The following ADAMTS12 variants were observed in gnomAD, a reference collection of about 807,000 sequenced individuals.
The protein encoded by ADAMTS12 is ADAM metallopeptidase with thrombospondin type 1 motif 12.
ADAMTS12 carries 118 observed loss-of-function variants against 167.8 expected under a neutral mutation model. The observed-to-expected ratio is 0.70, with a 90% CI of 0.61 to 0.82. ADAMTS12 has a LOEUF of 0.82. Among genes scored for constraint, ADAMTS12 ranks in the 40% least tolerant of loss-of-function variants. The pLI is 0.00. For synonymous variants in ADAMTS12, 704 were observed against 716.9 expected (o/e 0.98, Z 0.29); for missense variants, 1,916 against 1,998.8 (o/e 0.96, Z 0.79).
In ADAMTS12 at chr5:33,686,854, T is replaced by C. The variant is rs140843358; in HGVS notation, c.635-2799A>G. ...TCTTCCTGCTGTGTCCTCATCTGTC[T>C]CCTCTCTCTCTATATATATATGTAG... is the stretch of plus-strand genomic sequence containing the variant. On this transcript the variant is annotated intron_variant, in intron 3 of 23. Coordinates refer to ENST00000504830, the MANE Select transcript of ADAMTS12 (RefSeq NM_030955.4). 2.2e-3 allele frequency among the ~76,000 whole-genome samples: 322 copies of C among 149,642 alleles called. 3 individuals carry two copies. The highest frequency in any genetic ancestry group is 7.5e-3 in the African/African-American group (303 of 40,658).
chr5:33,701,373 T>C (rs1191423722), intron 3 of ADAMTS12, among the ~76,000 whole-genome samples: 1 of 152,178 alleles, frequency 6.6e-6, no homozygotes, highest in Non-Finnish European at 1.5e-5. Flanking sequence ...ACTGCCTGGC[T>C]ACTCTTTTCG....
intron 7 of ADAMTS12, among the ~76,000 whole-genome samples, chr5:33,651,572 G>C (rs1030340319): frequency 1.3e-5 from 2 of 152,176 alleles, no homozygotes; most frequent in East Asian, 3.9e-4. Flanking sequence ...ATGTTTCTTA[G>C]TTTGATCCAC....
chr5:33,579,514 C>T (rs914879789), intron 18 of ADAMTS12, among the ~76,000 whole-genome samples: 1 of 151,990 alleles, frequency 6.6e-6, no homozygotes, highest in Admixed American at 6.6e-5. Context: ...GCTAATATCT[C>T]TAAAGAAGTT....
At chr5:33,784,508 A>C (rs7719861) in intron 2 of ADAMTS12, among the ~76,000 whole-genome samples, 54,579 of 151,758 alleles carry the variant, frequency 0.36, 10,900 homozygotes, top group East Asian at 0.58. Context: ...TTACAGGATA[A>C]CAGGTCAGTA....
At chr5:33,760,877 CTCTG>C (rs1236864693) in intron 2 of ADAMTS12, among the ~76,000 whole-genome samples, 3 of 112,044 alleles carry the variant, frequency 2.7e-5, no homozygotes, top group Non-Finnish European at 3.6e-5. Flanking sequence ...TTTGTCTTTG[CTCTG>C]TGTGTGTGTG....
chr5:33,543,874 A>C (rs1744828576), intron 22 of ADAMTS12, among the ~76,000 whole-genome samples: 1 of 152,104 alleles, frequency 6.6e-6, no homozygotes, highest in Non-Finnish European at 1.5e-5. Flanking sequence ...AAATAATAAG[A>C]GCTATTTATG....
At chr5:33,738,466 G>A (rs1744444636) in intron 3 of ADAMTS12, among the ~76,000 whole-genome samples, 1 of 152,188 alleles carries the variant, frequency 6.6e-6, no homozygotes, top group Non-Finnish European at 1.5e-5. Flanking sequence ...TATTCCAGGG[G>A]AAATGAGACC....
At chr5:33,551,646 A>G (rs1024407910) in intron 20 of ADAMTS12, among the ~76,000 whole-genome samples, 2 of 152,244 alleles carry the variant, frequency 1.3e-5, no homozygotes, top group African/African-American at 2.4e-5. Context: ...TGTTGCTATA[A>G]TCTGTTATTC....
intron 2 of ADAMTS12, among the ~76,000 whole-genome samples, chr5:33,798,188 AT>A (rs879896541): frequency 0.036 from 5,294 of 146,130 alleles, 273 homozygotes; most frequent in African/African-American, 0.12. Flanking sequence ...CTCTCATGAC[AT>A]TTTTTTTTTT....
intron 2 of ADAMTS12, among the ~76,000 whole-genome samples, chr5:33,840,653 C>T (rs1045678920): frequency 2.0e-5 from 3 of 152,242 alleles, no homozygotes; most frequent in African/African-American, 7.2e-5. Context: ...GGAAGCTGTA[C>T]TAACAGTATT....
intron 21 of ADAMTS12, among the ~76,000 whole-genome samples, chr5:33,547,298 A>C (rs989939871): frequency 1.3e-5 from 2 of 152,122 alleles, no homozygotes; most frequent in Admixed American, 6.5e-5. Flanking sequence ...TTAGAAATGC[A>C]AAATTTCAGG....
At chr5:33,532,910 C>A (rs1744187155) in intron 23 of ADAMTS12, among the ~76,000 whole-genome samples, 1 of 152,144 alleles carries the variant, frequency 6.6e-6, no homozygotes, top group Non-Finnish European at 1.5e-5. Context: ...TTATAGTGGT[C>A]AGGGTGGGTG....
chr5:33,692,418 C>A (rs1362995225), intron 3 of ADAMTS12, among the ~76,000 whole-genome samples: 1 of 152,128 alleles, frequency 6.6e-6, no homozygotes, highest in Non-Finnish European at 1.5e-5. Context: ...TTCCAAATTC[C>A]ATTTATATGT....
intron 3 of ADAMTS12, among the ~76,000 whole-genome samples, chr5:33,717,807 A>G (rs766552026): frequency 7.9e-5 from 12 of 152,194 alleles, no homozygotes; most frequent in Non-Finnish European, 1.6e-4. Context: ...ATATTTTTCT[A>G]CTTATTTTTG....
chr5:33,535,850 G>A (rs1744375332), intron 22 of ADAMTS12, among the ~76,000 whole-genome samples: 1 of 152,128 alleles, frequency 6.6e-6, no homozygotes, highest in Admixed American at 6.5e-5. Context: ...AGAGAATGTG[G>A]AATGGGGGTA....
chr5:33,874,400 A>G (rs1032233290), intron 2 of ADAMTS12, among the ~76,000 whole-genome samples: 5 of 152,248 alleles, frequency 3.3e-5, no homozygotes, highest in African/African-American at 1.2e-4. Context: ...CATCTATTGA[A>G]ATGGTCAAAA....
intron 5 of ADAMTS12, among the ~76,000 whole-genome samples, chr5:33,680,789 T>G (rs1158062726): frequency 6.6e-6 from 1 of 152,178 alleles, no homozygotes; most frequent in Non-Finnish European, 1.5e-5. Context: ...AAAAAACTGA[T>G]GCAGCTATAG....
At chr5:33,663,305 T>C (rs1390281359) in intron 5 of ADAMTS12, among the ~76,000 whole-genome samples, 1 of 152,072 alleles carries the variant, frequency 6.6e-6, no homozygotes. Context: ...CGGCCTCCAA[T>C]TCAACCAGCC....
chr5:33,576,204 G>A lies in ADAMTS12; in HGVS notation c.3822C>T (p.Asn1274=), dbSNP rs370406310. Residue 1274 remains asparagine, a synonymous_variant, in exon 19 of 24, where the codon AAC becomes AAT. Transcript: ENST00000504830. ...GTTCAGAACTTTTTGTTTGGTTCAT[G>A]TTGTTTGGAAGTTTCAGGTGGTTAC... The part of the protein sequence containing the change: ...ANRNHLKLPN[N]MNQTKSSEPV... 1.9e-6 allele frequency: 3 copies of A among 1,614,070 alleles called. No homozygotes were observed. The highest frequency in any genetic ancestry group is 2.2e-5 in the South Asian group (2 of 91,080).
Sources: allele counts gnomAD v4.1 joint callset (sites outside exome capture counted in the v4.1 genomes callset), GRCh38; gene constraint gnomAD v4.1.1; transcripts MANE v1.5; gene names NCBI Gene and HGNC (gene_info 2026-07-23, HGNC 2026-07-21).